BCL6B: variants seen among roughly 807,000 people sequenced by gnomAD.
BCL6B encodes the protein B-cell CLL/lymphoma 6 member B protein.
A neutral mutation model predicts 44.6 loss-of-function variants in BCL6B; 28 were observed. The ratio of observed to expected loss-of-function variants is 0.63; its 90% CI spans 0.47 to 0.86. The LOEUF (loss-of-function observed/expected upper bound fraction) is 0.86. Ranked by LOEUF, BCL6B falls within the 40% of genes least tolerant of loss-of-function variation. BCL6B has a pLI of 0.00. For missense variants in BCL6B, 626 were observed against 652.3 expected, an observed-to-expected ratio of 0.96 and a Z score of 0.44; for synonymous variants, 268 against 263.6, an observed-to-expected ratio of 1.02 and a Z score of -0.16.
In BCL6B at chr17:7,024,681, C is replaced by G. The variant is rs200357355; in HGVS notation, c.682C>G (p.Pro228Ala). The change falls in exon 4 of 9, where the codon CCC becomes GCC. Residue 228 changes from proline (P) to alanine (A), a missense_variant. Transcript: ENST00000293805. The surrounding 1 kb of genome is among the most constrained non-coding windows in gnomAD (Gnocchi z 6.6). ...SGQPCPQARL[P>A]SGDEASSSSS... ...TCAACCTTGCCCCCAAGCCAGGCTC[C>G]CCAGTGGAGACGAGGCCTCCAGCAG... 85 of 1,609,606 alleles carry G rather than the reference C, an allele frequency of 5.3e-5. No homozygotes were observed. The African/African-American group carries it at 9.8e-4, about 19-fold the overall frequency.
In BCL6B at chr17:7,027,982, A is replaced by C; in HGVS notation, c.*363A>C. On this transcript the variant is annotated 3_prime_UTR_variant, in exon 9 of 9. Coordinates refer to ENST00000293805, the MANE Select transcript of BCL6B (RefSeq NM_181844.4). ...TAATTTATTGAGGCCTTTGGGTGGC[A>C]CCGGGGCCTTCATTCGATTGCATTT... 1 of 1,040,976 alleles carries C rather than the reference A, an allele frequency of 9.6e-7. No individual in the cohort carries two copies. Among genetic ancestry groups the C allele is most frequent in the Non-Finnish European group, 1.2e-6 (1 of 864,494 alleles). The allele number at this position is 1,040,976 out of a possible 1,614,324, so 64.5% of individuals were successfully genotyped here.
At chr17:7,023,315 G>C (rs1910178761) in intron 1 of BCL6B, among the ~76,000 whole-genome samples, 1 of 152,250 alleles carries the variant, frequency 6.6e-6, no homozygotes, top group Non-Finnish European at 1.5e-5. Flanking sequence ...CTCGAGGCAG[G>C]GTTGGACACC....
At position 7,028,360 on chromosome 17, in the gene BCL6B, A is replaced by G. The variant is rs1331481607; in HGVS notation, c.*741A>G. 9 of 985,312 alleles carry G rather than the reference A, an allele frequency of 9.1e-6. No homozygotes were observed. The African/African-American group carries it at 1.2e-4, about 13-fold the overall frequency. 61.0% of individuals were successfully genotyped at this position (985,312 alleles called of 1,614,324 possible). On this transcript the variant is annotated 3_prime_UTR_variant, in exon 9 of 9. Coordinates refer to ENST00000293805, the MANE Select transcript of BCL6B (RefSeq NM_181844.4). ...GTTCTCTAGCAGTCTAGAAATGGATACAGACATTTCTCTGTTCTTCAAGGG... is the reference window on the plus strand; with the variant it reads ...GTTCTCTAGCAGTCTAGAAATGGATGCAGACATTTCTCTGTTCTTCAAGGG...
rs1910248118 is a variant in BCL6B at position 7,025,152 on chromosome 17, G to C, written c.841G>C (p.Ala281Pro). The C allele has an allele frequency of 6.2e-7, 1 of 1,614,078 alleles. No homozygotes were observed. The highest frequency in any genetic ancestry group is 1.3e-5 in the African/African-American group (1 of 75,008). Residue 281 changes from alanine (A) to proline (P), a missense_variant, in exon 5 of 9, where the codon GCT (alanine) becomes CCT (proline). Transcript: ENST00000293805. ...ASTPYLLTSQAQDTSGSPSER... is the reference protein window; with the variant it reads ...ASTPYLLTSQPQDTSGSPSER... ...TACCCCCTACCTCCTCACATCCCAGGCTCAAGACACCTCTGGATCACCCTC... is the reference window on the plus strand; with the variant it reads ...TACCCCCTACCTCCTCACATCCCAGCCTCAAGACACCTCTGGATCACCCTC...
Position 7,028,608 on chromosome 17 carries a change from A to C in BCL6B, c.*989A>C. 1 of 968,930 alleles carries C rather than the reference A, an allele frequency of 1.0e-6. No individual in the cohort carries two copies. The highest frequency in any genetic ancestry group is 1.2e-6 in the Non-Finnish European group (1 of 823,554). 60.0% of individuals were successfully genotyped at this position (968,930 alleles called of 1,614,324 possible). ...AGTGGTAGAGACCCACCAGGGCTCA[A>C]GTGGAGTCCATCATCCTCCCACGGG... On this transcript the variant is annotated 3_prime_UTR_variant, in exon 9 of 9. Transcript: ENST00000293805.
chr17:7,025,086 A>G lies in BCL6B; in HGVS notation c.775A>G (p.Thr259Ala), dbSNP rs2151663530. Reference sequence around the variant, plus strand: ...TTGCCATCTGCCTAGGCTCTCTCCAACTGCTGCCACTGTGCAGTTCAAATG... The same window carrying G: ...TTGCCATCTGCCTAGGCTCTCTCCAGCTGCTGCCACTGTGCAGTTCAAATG... ...IPGPQSRLSP[T>A]AATVQFKCGA... Residue 259 changes from threonine (T) to alanine (A), a missense_variant, in exon 5 of 9, where the codon ACT (threonine) becomes GCT (alanine). Physicochemically the swap from Thr to Ala is moderately conservative, Grantham distance 58. Coordinates refer to ENST00000293805, the MANE Select transcript of BCL6B (RefSeq NM_181844.4). 1 of 1,614,000 alleles carries G rather than the reference A, an allele frequency of 6.2e-7. No individual in the cohort carries two copies. Among genetic ancestry groups the G allele is most frequent in the Non-Finnish European group, 8.5e-7 (1 of 1,179,956 alleles).
rs768794251 is a variant in BCL6B, at chr17:7,024,208, G to C, written c.305G>C (p.Arg102Pro). Residue 102 changes from arginine (R) to proline (P), a missense_variant, in exon 3 of 9, where the codon CGC (arginine) becomes CCC (proline). By Grantham distance (103) the Arg-to-Pro change is moderately radical (BLOSUM62 -2). Transcript: ENST00000293805. This position sits in a 1 kb window ranked among gnomAD's most constrained non-coding sequence, Gnocchi z 6.6. ...LLDFMYTSRLRLSPATAPAVL... is the reference protein window; with the variant it reads ...LLDFMYTSRLPLSPATAPAVL... ...GACTTCATGTACACTTCGCGCCTGCGCCTCTCTCCAGCCACTGCACCAGCA... is the reference window on the plus strand; with the variant it reads ...GACTTCATGTACACTTCGCGCCTGCCCCTCTCTCCAGCCACTGCACCAGCA... The C allele has an allele frequency of 1.2e-6, 2 of 1,613,804 alleles. No individual in the cohort carries two copies. The highest frequency in any genetic ancestry group is 3.3e-5 in the Admixed American group (2 of 60,024).
At position 7,023,678 on chromosome 17, in the gene BCL6B, T is replaced by C; in HGVS notation, c.7T>C (p.Ser3Pro). The change falls in exon 2 of 9, where the codon TCC becomes CCC. Residue 3 changes from serine to proline, a missense_variant. Transcript: ENST00000293805. MG[S>P]PAAPEGALGY... ...TCTACAGGCCTGTGTCGCTATGGGT[T>C]CCCCCGCCGCCCCGGAGGGAGCGCT... is the stretch of plus-strand genomic sequence containing the variant. 6.2e-7 allele frequency: 1 copy of C among 1,611,952 alleles called. No individual in the cohort carries two copies. Among genetic ancestry groups the C allele is most frequent in the Non-Finnish European group, 8.5e-7 (1 of 1,179,520 alleles).
Position 7,026,499 on chromosome 17 carries a change from G to A in BCL6B, c.932G>A (p.Gly311Glu), listed in dbSNP as rs1468489275. ...FSCQNCEAVA[G>E]CSSGLDSLVP... Reference sequence around the variant, plus strand: ...TGCCAGAACTGTGAGGCTGTGGCAGGGTGCTCATCGGGGCTGGACTCCTTG... The same window carrying A: ...TGCCAGAACTGTGAGGCTGTGGCAGAGTGCTCATCGGGGCTGGACTCCTTG... The change falls in exon 6 of 9, where the codon GGG becomes GAG. Residue 311 changes from glycine to glutamate, a missense_variant. Gly to Glu is a moderately conservative substitution (Grantham distance 98). Transcript: ENST00000293805. 1 of 1,614,140 alleles carries A rather than the reference G, an allele frequency of 6.2e-7. No homozygotes were observed. Among genetic ancestry groups the A allele is most frequent in the East Asian group, 2.2e-5 (1 of 44,886 alleles).
Position 7,029,286 on chromosome 17 carries a change from G to A in BCL6B, c.*1667G>A. 1 of 986,972 alleles carries A rather than the reference G, an allele frequency of 1.0e-6. No homozygotes were observed. The highest frequency in any genetic ancestry group is 1.2e-6 in the Non-Finnish European group (1 of 830,990). The allele number at this position is 986,972 out of a possible 1,614,324, so 61.1% of individuals were successfully genotyped here. A position where few individuals can be genotyped will look rare whatever the true frequency, so the allele number is the denominator to read the frequency against. On this transcript the variant is annotated 3_prime_UTR_variant, in exon 9 of 9. Coordinates refer to ENST00000293805, the MANE Select transcript of BCL6B (RefSeq NM_181844.4). ...TGGAGTCTCTGAAATGTTAGAAGAA[G>A]CGCTGAAGCCTTGATTGATAGTTCT...
intron 1 of BCL6B, 118 bp from the exon 2 acceptor site, chr17:7,023,542 C>T: frequency 4.0e-6 from 4 of 994,214 alleles, no homozygotes; most frequent in Non-Finnish European, 4.3e-6. Flanking sequence ...GCTGCGTGTG[C>T]CGGGGCTAGG....
rs1392082501 is a variant in BCL6B at position 7,027,657 on chromosome 17, T to A, written c.*38T>A. On this transcript the variant is annotated 3_prime_UTR_variant, in exon 9 of 9. Coordinates refer to ENST00000293805, the MANE Select transcript of BCL6B (RefSeq NM_181844.4). ...CCAGGCCCCACTTGCTTCCTGCGGG[T>A]GGGAAAGCTGCAGGCCCAGGCCTTG... The A allele has an allele frequency of 6.2e-7, 1 of 1,610,496 alleles. No homozygotes were observed. The highest frequency in any genetic ancestry group is 1.7e-5 in the Admixed American group (1 of 59,902).
Position 7,026,510 on chromosome 17 carries a change from G to A in BCL6B, c.943G>A (p.Gly315Arg). 1 of 1,614,160 alleles carries A rather than the reference G, an allele frequency of 6.2e-7. No individual in the cohort carries two copies. Among genetic ancestry groups the A allele is most frequent in the South Asian group, 1.1e-5 (1 of 91,086 alleles). The part of the protein sequence containing the change: ...NCEAVAGCSS[G>R]LDSLVPGDED... ...TGAGGCTGTGGCAGGGTGCTCATCG[G>A]GGCTGGACTCCTTGGTTCCTGGGGA... Residue 315 changes from glycine (G) to arginine (R), a missense_variant, in exon 6 of 9, where the codon GGG (glycine) becomes AGG (arginine). Gly to Arg is a moderately radical substitution (Grantham distance 125). Transcript: ENST00000293805.
rs763429136 is a variant in BCL6B at position 7,023,771 on chromosome 17, C to T, written c.100C>T (p.Arg34Cys). 4 of 1,612,450 alleles carry T rather than the reference C, an allele frequency of 2.5e-6. No homozygotes were observed. The highest frequency in any genetic ancestry group is 1.7e-4 in the Middle Eastern group (1 of 6,054). Residue 34 changes from arginine (R) to cysteine (C), a missense_variant, in exon 2 of 9, where the codon CGC (arginine) becomes TGC (cysteine). Arg to Cys is a radical substitution (Grantham distance 180). Transcript: ENST00000293805. ...VLGNLNELRL[R>C]GILTDVTLLV... is the part of the protein sequence containing the mutation. ...GGGCAACCTCAACGAGCTGCGCCTG[C>T]GCGGGATCCTCACTGACGTCACGCT... is the stretch of plus-strand genomic sequence containing the variant.
At position 7,024,115 on chromosome 17, in the gene BCL6B, C is replaced by A. The variant is rs761884588; in HGVS notation, c.212C>A (p.Ala71Glu). 1 of 1,613,964 alleles carries A rather than the reference C, an allele frequency of 6.2e-7. No homozygotes were observed. Among genetic ancestry groups the A allele is most frequent in the East Asian group, 2.2e-5 (1 of 44,866 alleles). ...TTCTATTCAATTTTCCGGGGCCGTG[C>A]GGGAGTCGGGGTGGACGTGCTCTCT... ...GFFYSIFRGR[A>E]GVGVDVLSLP... The change falls in exon 3 of 9, where the codon GCG becomes GAG. Residue 71 changes from alanine (A) to glutamate (E), a missense_variant. Transcript: ENST00000293805. The surrounding 1 kb of genome is among the most constrained non-coding windows in gnomAD (Gnocchi z 6.6).
At position 7,029,588 on chromosome 17, in the gene BCL6B, A is replaced by G. The variant is rs2151665513; in HGVS notation, c.*1969A>G. The G allele has an allele frequency of 8.7e-7, 1 of 1,155,840 alleles. No homozygotes were observed. Among genetic ancestry groups the G allele is most frequent in the Non-Finnish European group, 1.1e-6 (1 of 923,896 alleles). 71.6% of individuals were successfully genotyped at this position (1,155,840 alleles called of 1,614,324 possible). A position where few individuals can be genotyped will look rare whatever the true frequency, so the allele number is the denominator to read the frequency against. ...GGGCAGGTGGAGAATGCCTGGGGGTAGAAATGTTAGATCTTGCAACATCAG... is the reference window on the plus strand; with the variant it reads ...GGGCAGGTGGAGAATGCCTGGGGGTGGAAATGTTAGATCTTGCAACATCAG... On this transcript the variant is annotated 3_prime_UTR_variant, in exon 9 of 9. Transcript: ENST00000293805.
At chr17:7,027,415 C>A in intron 8 of BCL6B, 88 bp from the exon 9 acceptor site, 2 of 1,449,640 alleles carry the variant, frequency 1.4e-6, no homozygotes, top group South Asian at 1.2e-5. Flanking sequence ...GGATAGTTCC[C>A]ACCTGGGAGA....
rs1910195810 is a variant in BCL6B, at chr17:7,023,811, A to C, written c.140A>C (p.Gln47Pro). 5.6e-6 allele frequency: 9 copies of C among 1,613,254 alleles called. No individual in the cohort carries two copies. The highest frequency in any genetic ancestry group is 7.6e-6 in the Non-Finnish European group (9 of 1,179,998). The change falls in exon 2 of 9, where the codon CAA becomes CCA. Residue 47 changes from glutamine to proline, a missense_variant. Physicochemically the swap from Gln to Pro is moderately conservative, Grantham distance 76. Coordinates refer to ENST00000293805, the MANE Select transcript of BCL6B (RefSeq NM_181844.4). ...GACGTCACGCTGCTGGTTGGCGGGCAACCCCTCAGAGCACACAAGGCAGTT... is the reference window on the plus strand; with the variant it reads ...GACGTCACGCTGCTGGTTGGCGGGCCACCCCTCAGAGCACACAAGGCAGTT... ...LTDVTLLVGG[Q>P]PLRAHKAVLI... is the part of the protein sequence containing the mutation.
Position 7,023,677 on chromosome 17 carries a change from T to C in BCL6B, c.6T>C (p.Gly2=), listed in dbSNP as rs1379429505. 2.5e-6 allele frequency: 4 copies of C among 1,611,982 alleles called. No homozygotes were observed. Among genetic ancestry groups the C allele is most frequent in the East Asian group, 2.2e-5 (1 of 44,860 alleles). ...CTCTACAGGCCTGTGTCGCTATGGG[T>C]TCCCCCGCCGCCCCGGAGGGAGCGC... M[G]SPAAPEGALG... Residue 2 remains glycine, a synonymous_variant, in exon 2 of 9, where the codon GGT becomes GGC. Coordinates refer to ENST00000293805, the MANE Select transcript of BCL6B (RefSeq NM_181844.4).
Sources: allele counts gnomAD v4.1 joint callset (sites outside exome capture counted in the v4.1 genomes callset), GRCh38; gene constraint gnomAD v4.1.1; non-coding constraint Gnocchi (gnomAD v3.1); transcripts MANE v1.5; gene names NCBI Gene and HGNC (gene_info 2026-07-23, HGNC 2026-07-21).